The following EYS variants were observed in gnomAD, a reference collection of about 807,000 sequenced individuals.
EYS encodes EGF-like photoreceptor maintenance factor.
A neutral mutation model predicts 282.1 loss-of-function variants in EYS; 250 were observed. The observed-to-expected ratio is 0.89, with a 90% CI of 0.80 to 0.98. EYS has a LOEUF of 0.98. EYS is among the 50% of genes least tolerant of loss of function. EYS has a pLI of 0.00. For synonymous variants in EYS, 1,355 were observed against 1,282.9 expected (o/e 1.06, Z -1.20); for missense variants, 4,016 against 3,709.0 (o/e 1.08, Z -2.15).
intron 29 of EYS, among the ~76,000 whole-genome samples, chr6:64,330,265 C>T (rs946175896): frequency 2.6e-5 from 4 of 152,132 alleles, no homozygotes; most frequent in South Asian, 2.1e-4. Flanking sequence ...AGCGTGAGCT[C>T]GGACATGAGT....
intron 15 of EYS, among the ~76,000 whole-genome samples, chr6:64,935,919 A>G (rs190820907): frequency 7.7e-4 from 117 of 151,774 alleles, no homozygotes; most frequent in African/African-American, 2.8e-3. Flanking sequence ...CCAAAAGAGA[A>G]GGGGAAAATT....
intron 26 of EYS, among the ~76,000 whole-genome samples, chr6:64,500,050 T>A (rs560400741): frequency 3.9e-4 from 59 of 152,200 alleles, no homozygotes; most frequent in African/African-American, 1.4e-3. Context: ...ATATGGGGTA[T>A]AAAAATTTGT....
chr6:65,009,191 C>T (rs1364251323), intron 13 of EYS, among the ~76,000 whole-genome samples: 1 of 152,022 alleles, frequency 6.6e-6, no homozygotes, highest in African/African-American at 2.4e-5. Flanking sequence ...ACTAAGGGAT[C>T]CCACCTCCTT....
intron 2 of EYS, among the ~76,000 whole-genome samples, chr6:65,519,709 T>TATATATATATA (rs1554205853): frequency 6.2e-4 from 21 of 33,914 alleles, no homozygotes; most frequent in African/African-American, 1.1e-3. Flanking sequence ...TATATATATA[T>TATATATATATA]TTTTTTTTTT....
At chr6:64,268,767 A>G (rs1341853582) in intron 30 of EYS, among the ~76,000 whole-genome samples, 2 of 152,078 alleles carry the variant, frequency 1.3e-5, no homozygotes, top group Non-Finnish European at 2.9e-5. Flanking sequence ...CAAAAATGAG[A>G]TGAGTATGGG....
At chr6:65,504,506 C>T (rs1582388019) in intron 2 of EYS, among the ~76,000 whole-genome samples, 1 of 151,680 alleles carries the variant, frequency 6.6e-6, no homozygotes, top group Non-Finnish European at 1.5e-5. Context: ...ATCCATTTTT[C>T]TACACGAATT....
At chr6:65,180,962 T>A (rs1378386714) in intron 12 of EYS, among the ~76,000 whole-genome samples, 20 of 152,134 alleles carry the variant, frequency 1.3e-4, no homozygotes, top group Admixed American at 4.6e-4. Context: ...GGGGAAAGGA[T>A]TCCCTATTTA....
chr6:65,381,291 A>C (rs1489415586), intron 8 of EYS, among the ~76,000 whole-genome samples: 9 of 152,142 alleles, frequency 5.9e-5, no homozygotes, highest in Non-Finnish European at 1.0e-4. Context: ...CAATCATAAA[A>C]AAGAATGAGT....
chr6:64,924,309 C>T (rs1768443143), intron 15 of EYS, among the ~76,000 whole-genome samples: 1 of 152,154 alleles, frequency 6.6e-6, no homozygotes, highest in South Asian at 2.1e-4. Context: ...GGACACAGGG[C>T]ACCAAGTCCC....
At chr6:63,771,119 A>G (rs1411250230) in intron 40 of EYS, among the ~76,000 whole-genome samples, 5 of 152,150 alleles carry the variant, frequency 3.3e-5, no homozygotes, top group Non-Finnish European at 7.4e-5. Context: ...CAGAATTCCT[A>G]TTAAGGAGAG....
intron 35 of EYS, among the ~76,000 whole-genome samples, chr6:63,915,328 T>C (rs1176741114): frequency 6.6e-6 from 1 of 152,142 alleles, no homozygotes; most frequent in East Asian, 1.9e-4. Flanking sequence ...GTTTACAGCA[T>C]GGTTTACTGA....
At chr6:64,204,418 A>G (rs1287811204) in intron 31 of EYS, among the ~76,000 whole-genome samples, 1 of 152,194 alleles carries the variant, frequency 6.6e-6, no homozygotes, top group Non-Finnish European at 1.5e-5. Flanking sequence ...CAGAAATGTC[A>G]TAGCATCTTT....
intron 40 of EYS, among the ~76,000 whole-genome samples, chr6:63,769,066 C>G (rs1045599685): frequency 2.6e-5 from 4 of 151,912 alleles, no homozygotes; most frequent in Non-Finnish European, 4.4e-5. Context: ...GCACTGGGGA[C>G]TACTTGATGT....
chr6:64,496,199 G>C (rs114794106), intron 26 of EYS, among the ~76,000 whole-genome samples: 2,478 of 151,882 alleles, frequency 0.016, 23 homozygotes, highest in South Asian at 0.035. Flanking sequence ...TGATACCATG[G>C]AATATTTATA....
chr6:65,006,384 G>C (rs1037338013), intron 13 of EYS, among the ~76,000 whole-genome samples: 3 of 151,366 alleles, frequency 2.0e-5, no homozygotes, highest in African/African-American at 7.3e-5. Flanking sequence ...GTAACCCACA[G>C]ATGGGCCAAA....
intron 12 of EYS, among the ~76,000 whole-genome samples, chr6:65,163,746 A>G (rs1460854462): frequency 2.0e-5 from 3 of 151,326 alleles, no homozygotes; most frequent in African/African-American, 7.3e-5. Flanking sequence ...GAAAAGTAGA[A>G]TAATATTTCT....
chr6:65,446,948 T>C (rs1768685115), intron 5 of EYS, among the ~76,000 whole-genome samples: 1 of 151,822 alleles, frequency 6.6e-6, no homozygotes, highest in Non-Finnish European at 1.5e-5. Context: ...AGTTTTCATA[T>C]AATATTAGTT....
intron 36 of EYS, among the ~76,000 whole-genome samples, chr6:63,840,132 C>G (rs1771915202): frequency 6.7e-6 from 1 of 149,974 alleles, no homozygotes; most frequent in Admixed American, 6.7e-5. Flanking sequence ...ACTGCAAGCT[C>G]TGCCTCCTGG....
chr6:64,829,964 C>T (rs965422032), intron 19 of EYS, among the ~76,000 whole-genome samples: 11 of 151,850 alleles, frequency 7.2e-5, no homozygotes, highest in Non-Finnish European at 1.5e-4. Flanking sequence ...GTTGTAGGCT[C>T]TTTGTGCTAA....
Sources: allele counts gnomAD v4.1 joint callset (sites outside exome capture counted in the v4.1 genomes callset), GRCh38; gene constraint gnomAD v4.1.1; transcripts MANE v1.5; gene names NCBI Gene and HGNC (gene_info 2026-07-23, HGNC 2026-07-21).